PKD1: variants seen among roughly 807,000 people sequenced by gnomAD.
The protein encoded by PKD1 is polycystin 1, transient receptor potential channel interacting.
PKD1 carries 81 observed loss-of-function variants against 361.7 expected under a neutral mutation model. The ratio of observed to expected loss-of-function variants is 0.22; its 90% confidence interval spans 0.19 to 0.27. The LOEUF (loss-of-function observed/expected upper bound fraction) is 0.27. PKD1 is among the 10% of genes least tolerant of loss of function. PKD1 has a pLI of 1.00. For missense variants in PKD1, 6,399 were observed against 6,118.3 expected, an observed-to-expected ratio of 1.05 and a Z score of -1.53; for synonymous variants, 3,615 against 2,818.3, an observed-to-expected ratio of 1.28 and a Z score of -8.95.
At position 2,104,493 on chromosome 16, in the gene PKD1, G is replaced by C. The variant is rs534696523; in HGVS notation, c.8161+5C>G. 6 of 1,517,226 alleles carry C rather than the reference G, an allele frequency of 4.0e-6. No homozygotes were observed. The highest frequency in any genetic ancestry group is 1.9e-5 in the Admixed American group (1 of 51,838). The allele number at this position is 1,517,226 out of a possible 1,614,324, so 94.0% of individuals were successfully genotyped here. On this transcript the variant is annotated splice_donor_5th_base_variant and intron_variant, in intron 22 of 45. Transcript: ENST00000262304. ...GCGGGTGGCATGGGGCACGGGCCGC[G>C]GCACCTGTGATGTTGAGGATGCTGT... is the stretch of plus-strand genomic sequence containing the variant.
intron 11 of PKD1, chr16:2,113,847 C>G (rs2092581017): frequency 2.2e-6 from 1 of 458,656 alleles, no homozygotes; most frequent in Admixed American, 3.5e-5. Context: ...AAAAGCCACT[C>G]GCTTTAGCCA....
chr16:2,096,531 T>C (rs990874874), intron 34 of PKD1, among the ~76,000 whole-genome samples: 4 of 152,242 alleles, frequency 2.6e-5, no homozygotes, highest in Non-Finnish European at 4.4e-5. Flanking sequence ...TTTTTTGTTT[T>C]TGAGACGGAG....
In PKD1 at chr16:2,100,557, G is replaced by A; in HGVS notation, c.9407C>T (p.Ala3136Val). The A allele has an allele frequency of 6.2e-7, 1 of 1,610,130 alleles. No homozygotes were observed. The highest frequency in any genetic ancestry group is 8.5e-7 in the Non-Finnish European group (1 of 1,179,548). Residue 3136 changes from alanine (A) to valine (V), a missense_variant, in exon 27 of 46, where the codon GCC becomes GTC. By Grantham distance (64) the Ala-to-Val change is moderately conservative. Transcript: ENST00000262304. This position sits in a 1 kb window ranked among gnomAD's most constrained non-coding sequence, Gnocchi z 4.4. ...TGWGRGSGTT[A>V]HVGIMLYGVD... ...CCCATACAGCATGATGCCCACGTGG[G>A]CCGTGGTACCTGGGAGGCAAGAGGG...
In PKD1 at chr16:2,089,779, G is replaced by C. The variant is rs1308489558; in HGVS notation, c.12860C>G (p.Pro4287Arg). Residue 4287 changes from proline (P) to arginine (R), a missense_variant, in exon 46 of 46, where the codon CCC becomes CGC. Physicochemically the swap from Pro to Arg is moderately radical, Grantham distance 103 (BLOSUM62 -2). Transcript: ENST00000262304. Reference protein sequence around the residue: ...ASRGVDLATGPSRTPLRAKNK... With the variant: ...ASRGVDLATGRSRTPLRAKNK... ...CTTGGCCCGAAGGGGTGTCCTGCTG[G>C]GGCCAGTGGCCAGGTCCACACCCCG... is the stretch of plus-strand genomic sequence containing the variant. The C allele has an allele frequency of 1.9e-6, 3 of 1,597,984 alleles. No homozygotes were observed. The highest frequency in any genetic ancestry group is 2.6e-6 in the Non-Finnish European group (3 of 1,173,610).
At chr16:2,122,007 C>G (rs960847669) in intron 1 of PKD1, among the ~76,000 whole-genome samples, 2 of 152,270 alleles carry the variant, frequency 1.3e-5, no homozygotes, top group East Asian at 1.9e-4. Flanking sequence ...TCCGCTCCCA[C>G]AGGAGCCTAC....
chr16:2,110,311 G>A lies in PKD1; in HGVS notation c.4856C>T (p.Ser1619Phe), dbSNP rs146723506. The change falls in exon 15 of 46, where the codon TCC becomes TTC. Residue 1619 changes from serine to phenylalanine, a missense_variant. By Grantham distance (155) the Ser-to-Phe change is radical (BLOSUM62 -2). Coordinates refer to ENST00000262304, the MANE Select transcript of PKD1 (RefSeq NM_001009944.3). ...IIVTAENEVG[S>F]AQDSIFVYVL... ...ATAGACGAAGATGCTGTCCTGGGCG[G>A]AGCCCACCTCGTTCTCAGCCGTGAC... 6.2e-4 allele frequency: 1,002 copies of A among 1,612,634 alleles called. 3 individuals are homozygous for A. Among genetic ancestry groups the A allele is most frequent in the Admixed American group, 1.5e-3 (90 of 60,020 alleles).
In PKD1 at chr16:2,109,555, G is replaced by A; in HGVS notation, c.5612C>T (p.Ala1871Val). Residue 1871 changes from alanine (A) to valine (V), a missense_variant, in exon 15 of 46, where the codon GCA (alanine) becomes GTA (valine). Coordinates refer to ENST00000262304, the MANE Select transcript of PKD1 (RefSeq NM_001009944.3). Reference sequence around the variant, plus strand: ...GTACGTGGCTGAGACCCAGCTGACTGCGTTGGAGGCATTGAGCCGGATGGA... The same window carrying A: ...GTACGTGGCTGAGACCCAGCTGACTACGTTGGAGGCATTGAGCCGGATGGA... ...TFSIRLNASN[A>V]VSWVSATYNL... 6.2e-7 allele frequency: 1 copy of A among 1,611,636 alleles called. No homozygotes were observed. Among genetic ancestry groups the A allele is most frequent in the East Asian group, 2.2e-5 (1 of 44,860 alleles).
chr16:2,092,299 C>G (rs1327388100), intron 39 of PKD1, 111 bp from the exon 40 acceptor site: 1 of 1,230,814 alleles, frequency 8.1e-7, no homozygotes, highest in East Asian at 2.5e-5. Flanking sequence ...CCCAGGGAAC[C>G]CTCCCAGCAG....
At chr16:2,121,777 A>G (rs1205689329) in intron 1 of PKD1, among the ~76,000 whole-genome samples, 2 of 150,924 alleles carry the variant, frequency 1.3e-5, no homozygotes, top group Non-Finnish European at 3.0e-5. Context: ...TCTGCACACC[A>G]CCCCCCTGCT....
At chr16:2,120,704 AAGAAAACAAAG>A (rs1232427373) in intron 1 of PKD1, among the ~76,000 whole-genome samples, 7 of 152,188 alleles carry the variant, frequency 4.6e-5, no homozygotes, top group Non-Finnish European at 1.0e-4. Context: ...CCGGTCTCGA[AAGAAAACAAAG>A]AGAAAGCAAG....
rs776110243 is a variant in PKD1 at position 2,116,836 on chromosome 16, C to T, written c.1603G>A (p.Gly535Arg). 80 of 1,526,718 alleles carry T rather than the reference C, an allele frequency of 5.2e-5. No homozygotes were observed. The highest frequency in any genetic ancestry group is 6.7e-5 in the Non-Finnish European group (76 of 1,139,886). The allele number at this position is 1,526,718 out of a possible 1,614,324, so 94.6% of individuals were successfully genotyped here. Residue 535 changes from glycine to arginine, a missense_variant, in exon 7 of 46, where the codon GGA becomes AGA. Coordinates refer to ENST00000262304, the MANE Select transcript of PKD1 (RefSeq NM_001009944.3). ...PHSYVCELQP[G>R]GPVQDAENLL... ...CCCTGCCTGGCCCCCCGCACACCTC[C>T]GGGCTGCAGCTCGCAGACGTAGCTG...
intron 1 of PKD1, among the ~76,000 whole-genome samples, chr16:2,121,441 C>CA (rs968784688): frequency 2.0e-5 from 3 of 151,506 alleles, no homozygotes; most frequent in Non-Finnish European, 2.9e-5. Context: ...ACTCCAAAAA[C>CA]AAAAAAAGAA....
chr16:2,089,588 A>G lies in PKD1; in HGVS notation c.*139T>C, dbSNP rs1199130729. 5 of 1,089,814 alleles carry G rather than the reference A, an allele frequency of 4.6e-6. No individual in the cohort carries two copies. Among genetic ancestry groups the G allele is most frequent in the African/African-American group, 3.1e-5 (2 of 64,508 alleles). 67.5% of individuals were successfully genotyped at this position (1,089,814 alleles called of 1,614,324 possible). A position where few individuals can be genotyped will look rare whatever the true frequency, so the allele number is the denominator to read the frequency against. ...CTCTTTAAAGTGCTGAAGCCCACAG[A>G]CAGACAGATGCCCCTGCCTGCTCTC... On this transcript the variant is annotated 3_prime_UTR_variant, in exon 46 of 46. Transcript: ENST00000262304.
Position 2,122,937 on chromosome 16 carries a change from A to G in PKD1, c.216-3559T>C, listed in dbSNP as rs1446382778. ...CCCAGGCCACGGGAGAAAGGAAAGA[A>G]GGAAAAGCCTGAAGATGTTTGGCCA... is the stretch of plus-strand genomic sequence containing the variant. On this transcript the variant is annotated intron_variant, in intron 1 of 45. Coordinates refer to ENST00000262304, the MANE Select transcript of PKD1 (RefSeq NM_001009944.3). 3.9e-5 allele frequency among the ~76,000 whole-genome samples: 6 copies of G among 152,296 alleles called. No individual in the cohort carries two copies. In the East Asian group the frequency reaches 1.2e-3, roughly 29 times the overall value.
chr16:2,108,725 C>T lies in PKD1; in HGVS notation c.6442G>A (p.Glu2148Lys). 2 of 1,571,420 alleles carry T rather than the reference C, an allele frequency of 1.3e-6. No individual in the cohort carries two copies. Among genetic ancestry groups the T allele is most frequent in the Non-Finnish European group, 1.7e-6 (2 of 1,159,376 alleles). ...TVTVQVLACR[E>K]PEVDVVLPLQ... ...GGCAGGACCACGTCCACCTCCGGCT[C>T]CCGGCAGGCCAGCACCTGGACGGTC... The change falls in exon 15 of 46, where the codon GAG (glutamate) becomes AAG (lysine). Residue 2148 changes from glutamate (E) to lysine (K), a missense_variant. By Grantham distance (56) the Glu-to-Lys change is moderately conservative. Coordinates refer to ENST00000262304, the MANE Select transcript of PKD1 (RefSeq NM_001009944.3).
At chr16:2,101,204 C>A (rs1287901729) in intron 26 of PKD1, among the ~76,000 whole-genome samples, 1 of 152,114 alleles carries the variant, frequency 6.6e-6, no homozygotes, top group Non-Finnish European at 1.5e-5. Context: ...CCAGGATGGT[C>A]TCGATCTCCT....
chr16:2,102,658 G>A (rs201147336), intron 24 of PKD1, 25 bp from the exon 25 acceptor site: 148 of 1,610,594 alleles, frequency 9.2e-5, no homozygotes, highest in Non-Finnish European at 1.1e-4. Context: ...GGTAGCGGAC[G>A]TGAGCCCAGG....
At chr16:2,127,892 A>G (rs1269761183) in intron 1 of PKD1, among the ~76,000 whole-genome samples, 1 of 135,850 alleles carries the variant, frequency 7.4e-6, no homozygotes. Flanking sequence ...GGGACACAGC[A>G]GGGATGAGCC....
At chr16:2,132,589 A>G (rs998511856) in intron 1 of PKD1, among the ~76,000 whole-genome samples, 3 of 145,240 alleles carry the variant, frequency 2.1e-5, no homozygotes, top group Non-Finnish European at 1.5e-5. Flanking sequence ...AAAAAAAAAA[A>G]AAGAAAAAAA....
Sources: gnomAD v4.1 joint callset for allele counts (sites outside exome capture counted in the v4.1 genomes callset) on GRCh38, gnomAD v4.1.1 for gene constraint, Gnocchi (gnomAD v3.1) non-coding constraint, MANE v1.5 for transcripts, NCBI Gene and HGNC (gene_info 2026-07-23, HGNC 2026-07-21) for gene names.